The following SLC16A12 variants were observed in gnomAD, a reference collection of about 807,000 sequenced individuals.
SLC16A12 encodes the protein solute carrier family 16 member 12.
A neutral mutation model predicts 42.4 loss-of-function variants in SLC16A12; 17 were observed. That is an observed-to-expected ratio of 0.40 (90% CI 0.27 to 0.60). SLC16A12 has a LOEUF of 0.60. SLC16A12 is among the 20% of genes least tolerant of loss of function. SLC16A12 has a pLI of 0.42. For missense variants in SLC16A12, 544 were observed against 623.0 expected, an observed-to-expected ratio of 0.87 and a Z score of 1.35; for synonymous variants, 224 against 229.4, an observed-to-expected ratio of 0.98 and a Z score of 0.21.
At chr10:89,517,287 C>T (rs1007879026) in intron 2 of SLC16A12, among the ~76,000 whole-genome samples, 5 of 151,856 alleles carry the variant, frequency 3.3e-5, no homozygotes, top group Middle Eastern at 3.4e-3. Context: ...GGCGACGGGA[C>T]AGAATAGAAA....
chr10:89,543,130 A>C (rs764892884), intron 2 of SLC16A12, among the ~76,000 whole-genome samples: 2 of 152,254 alleles, frequency 1.3e-5, no homozygotes, highest in Admixed American at 6.5e-5. Context: ...TAATGGTTAG[A>C]GAGAAGGATG....
chr10:89,546,826 A>G (rs192056661), intron 2 of SLC16A12, among the ~76,000 whole-genome samples: 6 of 152,374 alleles, frequency 3.9e-5, no homozygotes, highest in African/African-American at 1.4e-4. Context: ...AATGTGGTAC[A>G]TATACACCAT....
At chr10:89,497,322 TTTTA>T (rs1228810160) in intron 2 of SLC16A12, among the ~76,000 whole-genome samples, 4 of 152,214 alleles carry the variant, frequency 2.6e-5, no homozygotes, top group South Asian at 2.1e-4. Flanking sequence ...TTCTTTTGGT[TTTTA>T]TTTATTCTCA....
In SLC16A12 at chr10:89,492,687, A is replaced by AT. The variant is rs201499458; in HGVS notation, c.-46-30064dup. ...TGAACTAAGTCATAATTAAGTATTC[A>AT]TAAGATAAAAAAGACAATCTACATT... On this transcript the variant is annotated intron_variant, in intron 2 of 7. Transcript: ENST00000371790. Among the ~76,000 whole-genome samples the AT allele has an allele frequency of 5.1e-3, 783 of 152,274 alleles. 27 individuals carry two copies. The highest frequency in any genetic ancestry group is 0.044 in the Admixed American group (666 of 15,286).
At chr10:89,458,185 T>C (rs1249988337) in intron 3 of SLC16A12, among the ~76,000 whole-genome samples, 1 of 152,232 alleles carries the variant, frequency 6.6e-6, no homozygotes, top group Non-Finnish European at 1.5e-5. Flanking sequence ...GTAGCTGTTA[T>C]GTAGAATCTC....
intron 6 of SLC16A12, 82 bp downstream of exon 6, chr10:89,438,522 C>T (rs1841842373): frequency 1.6e-6 from 2 of 1,230,256 alleles, no homozygotes; most frequent in Non-Finnish European, 2.3e-6. Context: ...GACCTAGGTA[C>T]TCCACAGGGT....
At chr10:89,533,983 C>G (rs371526144) in intron 2 of SLC16A12, among the ~76,000 whole-genome samples, 4 of 152,282 alleles carry the variant, frequency 2.6e-5, no homozygotes, top group East Asian at 3.8e-4. Flanking sequence ...AGTGTTGATT[C>G]CATCACCAGT....
chr10:89,449,826 G>A (rs1204691892), intron 3 of SLC16A12, among the ~76,000 whole-genome samples: 4 of 152,106 alleles, frequency 2.6e-5, no homozygotes, highest in African/African-American at 7.2e-5. Context: ...CAGGCAACCT[G>A]CAGAATGTGA....
At chr10:89,463,133 C>T (rs180995687) in intron 2 of SLC16A12, 26 of 154,408 alleles carry the variant, frequency 1.7e-4, no homozygotes, top group Non-Finnish European at 5.7e-5. Flanking sequence ...ACCTGCCCTC[C>T]TACTCTGGAC....
chr10:89,454,135 C>G (rs188916039), intron 3 of SLC16A12, among the ~76,000 whole-genome samples: 21 of 152,136 alleles, frequency 1.4e-4, no homozygotes, highest in African/African-American at 3.9e-4. Context: ...TCGCCTACCC[C>G]CTACCTCAGC....
chr10:89,542,829 T>C (rs577521157), intron 2 of SLC16A12, among the ~76,000 whole-genome samples: 4 of 152,340 alleles, frequency 2.6e-5, no homozygotes, highest in African/African-American at 7.2e-5. Context: ...GGGACTCTTT[T>C]GCCTGTTGGT....
chr10:89,554,809 A>G (rs1175179968), intron 2 of SLC16A12, among the ~76,000 whole-genome samples: 1 of 152,212 alleles, frequency 6.6e-6, no homozygotes, highest in African/African-American at 2.4e-5. Context: ...TTACTTATTT[A>G]TGTTAGCTAT....
intron 2 of SLC16A12, among the ~76,000 whole-genome samples, chr10:89,545,822 C>A (rs1010208285): frequency 6.6e-6 from 1 of 152,118 alleles, no homozygotes; most frequent in African/African-American, 2.4e-5. Context: ...GCTACAGTAA[C>A]CAAAACAGCA....
At chr10:89,548,789 C>G (rs1035942161) in intron 2 of SLC16A12, among the ~76,000 whole-genome samples, 2 of 152,160 alleles carry the variant, frequency 1.3e-5, no homozygotes, top group African/African-American at 4.8e-5. Flanking sequence ...GCACTCCAAC[C>G]TGGGTGACAG....
At chr10:89,443,508 C>T (rs112948051) in intron 4 of SLC16A12, among the ~76,000 whole-genome samples, 11 of 152,310 alleles carry the variant, frequency 7.2e-5, no homozygotes, top group African/African-American at 1.7e-4. Context: ...CCAAATCTTA[C>T]GTGTTCTTTT....
chr10:89,489,864 G>T (rs1015373038), intron 2 of SLC16A12, among the ~76,000 whole-genome samples: 2 of 152,088 alleles, frequency 1.3e-5, no homozygotes, highest in African/African-American at 4.8e-5. Flanking sequence ...ATGCTGACTG[G>T]TTCCTAAAGA....
At chr10:89,452,338 G>A (rs1231544472) in intron 3 of SLC16A12, among the ~76,000 whole-genome samples, 1 of 152,102 alleles carries the variant, frequency 6.6e-6, no homozygotes, top group African/African-American at 2.4e-5. Flanking sequence ...AATAAGAGTT[G>A]CTTGACTTCA....
intron 3 of SLC16A12, among the ~76,000 whole-genome samples, chr10:89,459,676 C>G (rs558786910): frequency 1.6e-4 from 25 of 152,262 alleles, no homozygotes; most frequent in African/African-American, 5.8e-4. Flanking sequence ...CATGGTGCCT[C>G]GCCCCTATAA....
chr10:89,487,966 A>ATG, intron 2 of SLC16A12, among the ~76,000 whole-genome samples: 1 of 21,916 alleles, frequency 4.6e-5, no homozygotes, highest in East Asian at 6.6e-4. Context: ...GTGTGTGTGT[A>ATG]TATATATATA....
Sources: allele counts gnomAD v4.1 joint callset (sites outside exome capture counted in the v4.1 genomes callset), GRCh38; gene constraint gnomAD v4.1.1; transcripts MANE v1.5; gene names NCBI Gene and HGNC (gene_info 2026-07-23, HGNC 2026-07-21).